The following DNAJC1 variants were observed in gnomAD, a reference collection of about 807,000 sequenced individuals.
The protein encoded by DNAJC1 is DnaJ heat shock protein family (Hsp40) member C1.
DNAJC1 carries 58 observed loss-of-function variants against 76.6 expected under a neutral mutation model. The observed-to-expected ratio is 0.76, with a 90% CI of 0.61 to 0.94. The LOEUF is 0.94. Ranked by LOEUF, DNAJC1 falls within the 40% of genes least tolerant of loss-of-function variation. The probability of loss-of-function intolerance (pLI) is 0.00; values close to 1 mark genes in which losing one functional copy is unlikely to be tolerated. For missense variants in DNAJC1, 689 were observed against 677.3 expected, an observed-to-expected ratio of 1.02 and a Z score of -0.19; for synonymous variants, 258 against 267.9, an observed-to-expected ratio of 0.96 and a Z score of 0.36.
At position 21,786,449 on chromosome 10, in the gene DNAJC1, TATATATATATATATAG is replaced by T. The variant is rs1445886722; in HGVS notation, c.1098+19515_1098+19530del. ...GGGAATATATATATATATATATATATATATATATATATATAGAGAGAGAGAGAGAGAGAGAGAGAGA... is the reference window on the plus strand; with the variant it reads ...GGGAATATATATATATATATATATATAGAGAGAGAGAGAGAGAGAGAGAGA... On this transcript the variant is annotated intron_variant, in intron 9 of 11. Transcript: ENST00000376980. 5.9e-3 allele frequency among the ~76,000 whole-genome samples: 634 copies of T among 107,558 alleles called. 4 individuals carry two copies. Among genetic ancestry groups the T allele is most frequent in the African/African-American group, 9.4e-3 (255 of 27,224 alleles). 70.6% of individuals were successfully genotyped at this position (107,558 alleles called of 152,430 possible).
chr10:21,941,096 A>AC (rs1491112842), intron 1 of DNAJC1, among the ~76,000 whole-genome samples: 1 of 118,630 alleles, frequency 8.4e-6, no homozygotes, highest in African/African-American at 3.6e-5. Flanking sequence ...CTAAAAATAC[A>AC]AAAAAAAAAA....
chr10:21,982,218 T>C lies in DNAJC1; in HGVS notation c.222+20995A>G, dbSNP rs1376370715. Among the ~76,000 whole-genome samples, 3 of 152,190 alleles carry C rather than the reference T, an allele frequency of 2.0e-5. No homozygotes were observed. The East Asian group carries it at 5.8e-4, about 29-fold the overall frequency. ...TTTAACTACTGTCAGGCTCTACTTT[T>C]CTTTGACGCCTCACATCATATATAT... is the stretch of plus-strand genomic sequence containing the variant. On this transcript the variant is annotated intron_variant, in intron 1 of 11. Coordinates refer to ENST00000376980, the MANE Select transcript of DNAJC1 (RefSeq NM_022365.4).
At chr10:21,857,017 C>T (rs192110210) in intron 8 of DNAJC1, among the ~76,000 whole-genome samples, 334 of 152,212 alleles carry the variant, frequency 2.2e-3, no homozygotes, top group African/African-American at 4.9e-3. Flanking sequence ...ATTACAGGCA[C>T]ATGCCACCAT....
intron 9 of DNAJC1, among the ~76,000 whole-genome samples, chr10:21,800,883 A>G (rs1338412710): frequency 6.6e-6 from 1 of 152,216 alleles, no homozygotes; most frequent in Admixed American, 6.5e-5. Flanking sequence ...AGTTTTATCA[A>G]AAAAGAGTTA....
intron 9 of DNAJC1, among the ~76,000 whole-genome samples, chr10:21,797,139 G>A (rs1377446248): frequency 1.3e-5 from 2 of 151,870 alleles, no homozygotes; most frequent in South Asian, 4.2e-4. Flanking sequence ...GTGTAAGTAA[G>A]GGTCCAGTTT....
intron 8 of DNAJC1, among the ~76,000 whole-genome samples, chr10:21,841,749 C>A (rs989867982): frequency 1.3e-5 from 2 of 152,138 alleles, no homozygotes; most frequent in African/African-American, 4.8e-5. Context: ...CATCCCATTA[C>A]TGGGTATATA....
chr10:21,933,732 A>C (rs1407372242), intron 1 of DNAJC1, among the ~76,000 whole-genome samples: 1 of 152,192 alleles, frequency 6.6e-6, no homozygotes, highest in Admixed American at 6.5e-5. Context: ...CGCATATATG[A>C]TGGTGGTCCC....
chr10:21,804,290 C>T (rs1000614471), intron 9 of DNAJC1, among the ~76,000 whole-genome samples: 3 of 151,996 alleles, frequency 2.0e-5, no homozygotes, highest in Non-Finnish European at 2.9e-5. Flanking sequence ...AAATGTGGTG[C>T]AGTCTTCAAA....
At chr10:21,886,028 A>C (rs1283546967) in intron 7 of DNAJC1, among the ~76,000 whole-genome samples, 1 of 152,132 alleles carries the variant, frequency 6.6e-6, no homozygotes, top group East Asian at 1.9e-4. Context: ...ATCCATTCAA[A>C]AGATAAACAA....
Position 21,813,231 on chromosome 10 carries a change from TATATATATATATAC to T in DNAJC1, c.979-7146_979-7133del, listed in dbSNP as rs1365542552. Among the ~76,000 whole-genome samples the T allele has an allele frequency of 1.6e-4, 21 of 131,868 alleles. No individual in the cohort carries two copies. The South Asian group carries it at 5.0e-3, about 31-fold the overall frequency. 86.5% of individuals were successfully genotyped at this position (131,868 alleles called of 152,430 possible). ...CTCTCTCTCTCTCTCTATATATATA[TATATATATATATAC>T]ACATACAGCTTCTGCCTTGCTCTTT... On this transcript the variant is annotated intron_variant, in intron 8 of 11. Transcript: ENST00000376980.
intron 8 of DNAJC1, among the ~76,000 whole-genome samples, chr10:21,821,464 A>G (rs1419039085): frequency 6.6e-6 from 1 of 152,174 alleles, no homozygotes; most frequent in Non-Finnish European, 1.5e-5. Context: ...TATATTCTCA[A>G]TGCCTGAAAC....
In DNAJC1 at chr10:21,902,344, A is replaced by C. The variant is rs899440323; in HGVS notation, c.820+2178T>G. Among the ~76,000 whole-genome samples, 7 of 152,026 alleles carry C rather than the reference A, an allele frequency of 4.6e-5. No homozygotes were observed. In the South Asian group the frequency reaches 8.3e-4, roughly 18 times the overall value. On this transcript the variant is annotated intron_variant, in intron 7 of 11. Transcript: ENST00000376980. Reference sequence around the variant, plus strand: ...AAAAGAGACTTTTTTTTTGAGACGGAGTCTTGCTCTGTCACCCAGGCACGA... The same window carrying C: ...AAAAGAGACTTTTTTTTTGAGACGGCGTCTTGCTCTGTCACCCAGGCACGA...
intron 8 of DNAJC1, among the ~76,000 whole-genome samples, chr10:21,841,721 A>T (rs1381000912): frequency 6.6e-6 from 1 of 152,188 alleles, no homozygotes; most frequent in Non-Finnish European, 1.5e-5. Flanking sequence ...TAGAACTAGA[A>T]ATACCATTTG....
chr10:21,903,775 A>G (rs1313673639), intron 7 of DNAJC1, among the ~76,000 whole-genome samples: 2 of 152,130 alleles, frequency 1.3e-5, no homozygotes, highest in Non-Finnish European at 2.9e-5. Context: ...CAAAACAGAT[A>G]AAGTCCTTAC....
At chr10:21,998,648 G>A (rs1838461674) in intron 1 of DNAJC1, among the ~76,000 whole-genome samples, 1 of 152,050 alleles carries the variant, frequency 6.6e-6, no homozygotes, top group Non-Finnish European at 1.5e-5. Context: ...TGGTATGAAT[G>A]ACTAATAAAT....
chr10:21,799,311 T>C (rs1316300234), intron 9 of DNAJC1, among the ~76,000 whole-genome samples: 2 of 152,156 alleles, frequency 1.3e-5, no homozygotes, highest in African/African-American at 4.8e-5. Flanking sequence ...GTTGTTTTTT[T>C]GTTTTGAGAC....
At chr10:21,977,695 T>TC (rs1838088108) in intron 1 of DNAJC1, among the ~76,000 whole-genome samples, 1 of 152,096 alleles carries the variant, frequency 6.6e-6, no homozygotes, top group Non-Finnish European at 1.5e-5. Flanking sequence ...TCTTAACACA[T>TC]CCAATACATA....
At chr10:21,993,618 T>C (rs1590084329) in intron 1 of DNAJC1, among the ~76,000 whole-genome samples, 1 of 152,294 alleles carries the variant, frequency 6.6e-6, no homozygotes, top group Non-Finnish European at 1.5e-5. Flanking sequence ...TCCATTTTCA[T>C]TTATATTTGT....
At chr10:21,862,210 ACCCAG>A (rs1049521248) in intron 8 of DNAJC1, among the ~76,000 whole-genome samples, 2 of 150,626 alleles carry the variant, frequency 1.3e-5, no homozygotes, top group African/African-American at 4.9e-5. Context: ...GAGCCACCGC[ACCCAG>A]CCCTTCACTT....
Sources: allele counts gnomAD v4.1 joint callset (sites outside exome capture counted in the v4.1 genomes callset), GRCh38; gene constraint gnomAD v4.1.1; transcripts MANE v1.5; gene names NCBI Gene and HGNC (gene_info 2026-07-23, HGNC 2026-07-21).